Variants in CLTC observed in about 807,000 individuals in gnomAD.
CLTC encodes the protein clathrin heavy chain.
A neutral mutation model predicts 195.8 loss-of-function variants in CLTC; 16 were observed. The observed-to-expected ratio is 0.08, with a 90% CI of 0.06 to 0.12. The LOEUF (loss-of-function observed/expected upper bound fraction) is 0.12, where lower values mean the gene tolerates loss of function less well. Among genes scored for constraint, CLTC ranks in the 10% least tolerant of loss-of-function variants. The pLI, the probability that CLTC is intolerant of heterozygous loss-of-function variation, is 1.00. For missense variants in CLTC, 796 were observed against 2,027.0 expected (o/e 0.39, Z 11.66); for synonymous variants, 667 against 689.4 (o/e 0.97, Z 0.51).
At chr17:59,678,027 T>C (rs1391024871) in intron 17 of CLTC, among the ~76,000 whole-genome samples, 1 of 152,212 alleles carries the variant, frequency 6.6e-6, no homozygotes, top group African/African-American at 2.4e-5. Context: ...CACCAGACTG[T>C]ACTGTCTCTA....
At chr17:59,655,767 C>T in intron 5 of CLTC, 87 bp from the exon 6 acceptor site, 37 of 1,063,610 alleles carry the variant, frequency 3.5e-5, no homozygotes, top group Admixed American at 6.5e-5. Flanking sequence ...GGAATTTTAC[C>T]ATCTCTAAAA....
At chr17:59,658,139 G>T (rs1031361316) in intron 6 of CLTC, among the ~76,000 whole-genome samples, 1 of 152,096 alleles carries the variant, frequency 6.6e-6, no homozygotes, top group Non-Finnish European at 1.5e-5. Flanking sequence ...TGAGGCAGAG[G>T]TTGCTGTGAG....
In CLTC at chr17:59,643,133, G is replaced by GTA. The variant is rs2032087904; in HGVS notation, c.43-1142_43-1141insAT. On this transcript the variant is annotated intron_variant, in intron 1 of 31. Transcript: ENST00000269122. ...TTTTCCATGCTTTTTCTTTTCTGGGGTGTGTGTGTGTGTGTGTGTGTGTGT... is the reference window on the plus strand; with the variant it reads ...TTTTCCATGCTTTTTCTTTTCTGGGGTATGTGTGTGTGTGTGTGTGTGTGTGT... Among the ~76,000 whole-genome samples, 3 of 70,634 alleles carry GTA rather than the reference G, an allele frequency of 4.2e-5. No homozygotes were observed. The South Asian group carries it at 1.8e-3, about 41-fold the overall frequency. The allele number at this position is 70,634 out of a possible 152,430, so 46.3% of individuals were successfully genotyped here.
Position 59,660,498 on chromosome 17 carries a change from T to C in CLTC, c.1077T>C (p.Gly359=), listed in dbSNP as rs2032583298. 6.2e-7 allele frequency: 1 copy of C among 1,614,180 alleles called. No homozygotes were observed. The highest frequency in any genetic ancestry group is 2.2e-5 in the East Asian group (1 of 44,876). ...TGGCTGTACGTAATAACTTAGCCGG[T>C]GCTGAAGAACTCTTTGCCCGGAAAT... ...LRMAVRNNLA[G]AEELFARKFN... The change falls in exon 7 of 32, where the codon GGT becomes GGC. Residue 359 remains glycine, a synonymous_variant. Coordinates refer to ENST00000269122, the MANE Select transcript of CLTC (RefSeq NM_004859.4).
At chr17:59,668,542 C>T (rs991789991) in intron 13 of CLTC, among the ~76,000 whole-genome samples, 2 of 151,994 alleles carry the variant, frequency 1.3e-5, no homozygotes, top group African/African-American at 4.8e-5. Context: ...AGAGACCTGC[C>T]TCAATAAAAA....
intron 14 of CLTC, among the ~76,000 whole-genome samples, chr17:59,673,215 G>T (rs1282201421): frequency 1.3e-5 from 2 of 151,980 alleles, no homozygotes; most frequent in Non-Finnish European, 2.9e-5. Context: ...GATTGGATGT[G>T]GGGAGGGATA....
chr17:59,662,943 G>T (rs1336437331), intron 8 of CLTC, among the ~76,000 whole-genome samples: 1 of 152,186 alleles, frequency 6.6e-6, no homozygotes, highest in African/African-American at 2.4e-5. Context: ...AGATAAGGGA[G>T]GGTGAGAACA....
intron 30 of CLTC, among the ~76,000 whole-genome samples, chr17:59,688,027 G>C (rs2033221292): frequency 2.0e-5 from 3 of 152,194 alleles, no homozygotes; most frequent in African/African-American, 7.2e-5. Context: ...GGAACTTAGG[G>C]CAAACCTGAG....
At chr17:59,623,891 A>G (rs2031462027) in intron 1 of CLTC, among the ~76,000 whole-genome samples, 1 of 152,244 alleles carries the variant, frequency 6.6e-6, no homozygotes, top group South Asian at 2.1e-4. Flanking sequence ...AAATAGCCAC[A>G]TGTGACAATT....
intron 31 of CLTC, among the ~76,000 whole-genome samples, chr17:59,693,433 G>C (rs1439115628): frequency 6.6e-6 from 1 of 150,780 alleles, no homozygotes; most frequent in Non-Finnish European, 1.5e-5. Context: ...GTGTCATGAA[G>C]TGTAATATGC....
intron 5 of CLTC, among the ~76,000 whole-genome samples, chr17:59,653,412 C>T (rs997395962): frequency 6.6e-6 from 1 of 151,808 alleles, no homozygotes; most frequent in Non-Finnish European, 1.5e-5. Context: ...CCAGGATGGT[C>T]TCGATCTCCT....
At chr17:59,677,968 T>C (rs1351632799) in intron 17 of CLTC, among the ~76,000 whole-genome samples, 6 of 152,214 alleles carry the variant, frequency 3.9e-5, no homozygotes, top group Admixed American at 2.6e-4. Flanking sequence ...AAACCCTGTA[T>C]TAATTAAACA....
intron 13 of CLTC, among the ~76,000 whole-genome samples, chr17:59,667,263 GTTGAGTGTCCCTA>G (rs1487750219): frequency 4.6e-5 from 7 of 152,252 alleles, no homozygotes; most frequent in Admixed American, 2.6e-4. Context: ...GAAAATACAG[GTTGAGTGTCCCTA>G]ATCTGAAAAT....
At chr17:59,644,641 C>T (rs144525604) in intron 2 of CLTC, 158 bp downstream of exon 2, 24 of 628,072 alleles carry the variant, frequency 3.8e-5, no homozygotes, top group African/African-American at 3.1e-4. Context: ...ATCTCCACCC[C>T]CCAGGTTCAA....
At chr17:59,644,783 C>G (rs1354689196) in intron 2 of CLTC, among the ~76,000 whole-genome samples, 1 of 152,174 alleles carries the variant, frequency 6.6e-6, no homozygotes, top group Non-Finnish European at 1.5e-5. Context: ...GAACTCCTAA[C>G]CTCATGATCC....
At chr17:59,643,438 A>G (rs1180789394) in intron 1 of CLTC, among the ~76,000 whole-genome samples, 1 of 152,082 alleles carries the variant, frequency 6.6e-6, no homozygotes. Flanking sequence ...ATACTTTAGT[A>G]TTTTCTGAGT....
At position 59,673,639 on chromosome 17, in the gene CLTC, T is replaced by C; in HGVS notation, c.2293-8T>C. On this transcript the variant is annotated splice_polypyrimidine_tract_variant and splice_region_variant and intron_variant, in intron 14 of 31. Coordinates refer to ENST00000269122, the MANE Select transcript of CLTC (RefSeq NM_004859.4). ...TTTAAAGTTTCCTTTTGTTTGTCTT[T>C]TTTTCAGGAAGCAAAACTAACAGAT... 6.2e-7 allele frequency: 1 copy of C among 1,606,220 alleles called. No homozygotes were observed. Among genetic ancestry groups the C allele is most frequent in the Non-Finnish European group, 8.5e-7 (1 of 1,175,760 alleles).
intron 1 of CLTC, among the ~76,000 whole-genome samples, chr17:59,634,549 A>T (rs2031810743): frequency 2.0e-5 from 3 of 152,222 alleles, no homozygotes; most frequent in Non-Finnish European, 4.4e-5. Context: ...ACCAAAGCTA[A>T]TAATAGTCTG....
In CLTC at chr17:59,682,255, C is replaced by A; in HGVS notation, c.3443-16C>A. On this transcript the variant is annotated splice_polypyrimidine_tract_variant and intron_variant, in intron 21 of 31. Coordinates refer to ENST00000269122, the MANE Select transcript of CLTC (RefSeq NM_004859.4). The surrounding 1 kb of genome is among the most constrained non-coding windows in gnomAD (Gnocchi z 6.8). ...ATGTTAGTGTTTGGATATATTTTTT[C>A]TTTTTCTATACTTAGGAAACTGGGA... 6.3e-7 allele frequency: 1 copy of A among 1,597,074 alleles called. No homozygotes were observed.
Sources: allele counts gnomAD v4.1 joint callset (sites outside exome capture counted in the v4.1 genomes callset), GRCh38; gene constraint gnomAD v4.1.1; non-coding constraint Gnocchi (gnomAD v3.1); transcripts MANE v1.5; gene names NCBI Gene and HGNC (gene_info 2026-07-23, HGNC 2026-07-21).